The following CSE1L variants were observed in gnomAD, a reference collection of about 807,000 sequenced individuals.
CSE1L encodes chromosome segregation 1 like.
In CSE1L, 24 loss-of-function variants were observed where a neutral mutation model predicts 120.4. The observed-to-expected ratio is 0.20, with a 90% CI of 0.14 to 0.28. CSE1L has a LOEUF of 0.28. Among genes scored for constraint, CSE1L ranks in the 10% least tolerant of loss-of-function variants. The pLI is 1.00. For synonymous variants in CSE1L, 402 were observed against 398.3 expected, an observed-to-expected ratio of 1.01 and a Z score of -0.11; for missense variants, 830 against 1,145.2, an observed-to-expected ratio of 0.72 and a Z score of 3.97.
rs748808574 is a variant in CSE1L, at chr20:49,072,564, C to G, written c.937-4C>G. On this transcript the variant is annotated splice_polypyrimidine_tract_variant and splice_region_variant and intron_variant, in intron 9 of 24. Transcript: ENST00000262982. The stretch of plus-strand genomic sequence containing the variant: ...AATATTCTTGTTTTTGTGTTTTGTT[C>G]CAGTTGGTAAGTAATGCAATTCAAT... 1 of 1,607,014 alleles carries G rather than the reference C, an allele frequency of 6.2e-7. No individual in the cohort carries two copies. Among genetic ancestry groups the G allele is most frequent in the Non-Finnish European group, 8.5e-7 (1 of 1,176,960 alleles).
intron 1 of CSE1L, among the ~76,000 whole-genome samples, chr20:49,046,842 C>T (rs1294063755): frequency 3.3e-5 from 5 of 152,224 alleles, no homozygotes; most frequent in Admixed American, 3.3e-4. Flanking sequence ...GCCGCGCGAG[C>T]TGAGTGTGCG....
Position 49,077,045 on chromosome 20 carries a change from T to A in CSE1L, c.1401T>A (p.Pro467=). 4 of 1,607,544 alleles carry A rather than the reference T, an allele frequency of 2.5e-6. No homozygotes were observed. Among genetic ancestry groups the A allele is most frequent in the Non-Finnish European group, 3.4e-6 (4 of 1,177,268 alleles). ...LTEFFVNHIL[P]DLKSANVNEF... ...AGTTCTTTGTGAATCACATCCTCCC[T>A]GATTTAAAATCAGCTAATGGTGAGT... Residue 467 remains proline, a synonymous_variant, in exon 13 of 25, where the codon CCT becomes CCA. Coordinates refer to ENST00000262982, the MANE Select transcript of CSE1L (RefSeq NM_001316.4).
rs1217359346 is a variant in CSE1L, at chr20:49,054,413, A to G, written c.-11-4040A>G. On this transcript the variant is annotated intron_variant, in intron 1 of 24. Transcript: ENST00000262982. ...GCCCTCTTTTCACATCAGCCTTTCT[A>G]TTGTGTTGTGAGTGCTTTCACTCTT... 7.2e-5 allele frequency among the ~76,000 whole-genome samples: 11 copies of G among 151,988 alleles called. No homozygotes were observed. In the East Asian group the frequency reaches 1.4e-3, roughly 19 times the overall value.
At chr20:49,066,136 A>C (rs2091890574) in intron 3 of CSE1L, 56 bp from the exon 4 acceptor site, 1 of 1,383,254 alleles carries the variant, frequency 7.2e-7, no homozygotes, top group Non-Finnish European at 1.0e-6. Context: ...ACCTAAAATC[A>C]TGTGGACATG....
At chr20:49,065,312 A>ATTTTTTTTTTTTTTTTTTTTTTTT (rs1568769017) in intron 3 of CSE1L, among the ~76,000 whole-genome samples, 4 of 79,418 alleles carry the variant, frequency 5.0e-5, no homozygotes, top group Non-Finnish European at 7.3e-5. Flanking sequence ...ATGAAAAAAA[A>ATTTTTTTTTTTTTTTTTTTTTTTT]ATTTTTTTTT....
chr20:49,055,093 C>A (rs986091335), intron 1 of CSE1L, among the ~76,000 whole-genome samples: 1 of 152,204 alleles, frequency 6.6e-6, no homozygotes, highest in African/African-American at 2.4e-5. Flanking sequence ...GATGCATGTA[C>A]TGTGGATTAT....
chr20:49,081,126 C>G (rs576461261), intron 14 of CSE1L, among the ~76,000 whole-genome samples: 1 of 151,238 alleles, frequency 6.6e-6, no homozygotes, highest in Non-Finnish European at 1.5e-5. Flanking sequence ...TGGGATTACA[C>G]GTGCCTGCCA....
intron 16 of CSE1L, 111 bp downstream of exon 16, chr20:49,085,497 C>A: frequency 1.8e-6 from 1 of 541,220 alleles, no homozygotes; most frequent in Non-Finnish European, 3.2e-6. Context: ...ATAATGTTTA[C>A]CAAGTAGTAA....
At chr20:49,079,318 C>T (rs1215780781) in intron 14 of CSE1L, among the ~76,000 whole-genome samples, 1 of 152,160 alleles carries the variant, frequency 6.6e-6, no homozygotes, top group Non-Finnish European at 1.5e-5. Flanking sequence ...CCTCTGCCTT[C>T]CGGGTTCAAG....
At chr20:49,076,947 G>C (rs1449594976) in intron 12 of CSE1L, 33 bp from the exon 13 acceptor site, 1 of 1,422,892 alleles carries the variant, frequency 7.0e-7, no homozygotes, top group East Asian at 2.3e-5. Flanking sequence ...CAGGTATTTT[G>C]TTATTTTACT....
In CSE1L at chr20:49,075,298, A is replaced by G. The variant is rs748579272; in HGVS notation, c.1133-20A>G. On this transcript the variant is annotated intron_variant, in intron 11 of 24. Transcript: ENST00000262982. ...TGGTTGTTTTTTTTCCCCATAATAT[A>G]TTTTCTTTTCATTTCATAGATATTG... is the stretch of plus-strand genomic sequence containing the variant. 2 of 1,581,392 alleles carry G rather than the reference A, an allele frequency of 1.3e-6. No homozygotes were observed. The highest frequency in any genetic ancestry group is 3.4e-5 in the Admixed American group (2 of 58,724).
chr20:49,063,127 T>TA, intron 2 of CSE1L, 75 bp from the exon 3 acceptor site: 3 of 631,920 alleles, frequency 4.7e-6, no homozygotes, highest in Non-Finnish European at 6.7e-6. Flanking sequence ...GATTTTTTTT[T>TA]ATATATATAT....
In CSE1L at chr20:49,077,060, T is replaced by G; in HGVS notation, c.1416T>G (p.Ala472=). 4 of 1,600,038 alleles carry G rather than the reference T, an allele frequency of 2.5e-6. No individual in the cohort carries two copies. The highest frequency in any genetic ancestry group is 2.6e-6 in the Non-Finnish European group (3 of 1,173,052). Residue 472 remains alanine, a synonymous_variant, in exon 13 of 25, where the codon GCT becomes GCG. Transcript: ENST00000262982. ...ACATCCTCCCTGATTTAAAATCAGC[T>G]AATGGTGAGTTGTGAAATTCTTGCT... The part of the protein sequence containing the change: ...VNHILPDLKS[A]NVNEFPVLKA...
At chr20:49,071,445 G>GTA (rs2091930689) in intron 8 of CSE1L, among the ~76,000 whole-genome samples, 1 of 152,152 alleles carries the variant, frequency 6.6e-6, no homozygotes, top group Admixed American at 6.6e-5. Context: ...TATGCCTTAA[G>GTA]TAATCAGTGT....
At chr20:49,062,599 C>T (rs2091860878) in intron 2 of CSE1L, among the ~76,000 whole-genome samples, 1 of 152,008 alleles carries the variant, frequency 6.6e-6, no homozygotes, top group African/African-American at 2.4e-5. Flanking sequence ...AAGGACTGCA[C>T]TAAAACTTTC....
intron 16 of CSE1L, 127 bp downstream of exon 16, chr20:49,085,513 T>A: frequency 2.0e-6 from 1 of 506,678 alleles, no homozygotes; most frequent in Non-Finnish European, 3.4e-6. Flanking sequence ...AGTAAGTTAG[T>A]TTAGATATTT....
At chr20:49,095,202 C>T (rs2092130647) in intron 24 of CSE1L, 3 of 636,364 alleles carry the variant, frequency 4.7e-6, no homozygotes, top group Non-Finnish European at 8.5e-6. Context: ...GGAAAAATCC[C>T]TTCAATAGAA....
chr20:49,059,339 G>A (rs1399095867), intron 2 of CSE1L, among the ~76,000 whole-genome samples: 9 of 151,408 alleles, frequency 5.9e-5, no homozygotes, highest in South Asian at 2.1e-4. Flanking sequence ...CATTAAAAAC[G>A]TAGAATTAAA....
chr20:49,048,591 G>A (rs1165548262), intron 1 of CSE1L, among the ~76,000 whole-genome samples: 1 of 152,126 alleles, frequency 6.6e-6, no homozygotes. Context: ...CAGGTAGAGG[G>A]AATAGAAGGC....
Sources: gnomAD v4.1 joint callset for allele counts (sites outside exome capture counted in the v4.1 genomes callset) on GRCh38, gnomAD v4.1.1 for gene constraint, MANE v1.5 for transcripts, NCBI Gene and HGNC (gene_info 2026-07-23, HGNC 2026-07-21) for gene names.